The following DCPS variants were observed in gnomAD, a reference collection of about 807,000 sequenced individuals.
DCPS encodes m7GpppX diphosphatase.
In DCPS, 27 loss-of-function variants were observed where a neutral mutation model predicts 34.7. The ratio of observed to expected loss-of-function variants is 0.78; its 90% CI spans 0.57 to 1.07. The LOEUF is 1.07. Ranked by LOEUF, DCPS falls within the 50% of genes least tolerant of loss-of-function variation. The pLI, the probability that DCPS is intolerant of heterozygous loss-of-function variation, is 0.00. For synonymous variants in DCPS, 185 were observed against 185.7 expected, an observed-to-expected ratio of 1.00 and a Z score of 0.03; for missense variants, 464 against 436.9, an observed-to-expected ratio of 1.06 and a Z score of -0.55.
chr11:126,343,564 C>T, intron 5 of DCPS, 147 bp downstream of exon 5: 3 of 707,374 alleles, frequency 4.2e-6, no homozygotes, highest in East Asian at 2.7e-5. Flanking sequence ...CCATTAGGCT[C>T]TTGAGGTTGA....
In DCPS at chr11:126,334,932, C is replaced by T. The variant is rs1951818917; in HGVS notation, c.523-3354C>T. 6.6e-6 allele frequency among the ~76,000 whole-genome samples: 1 copy of T among 152,202 alleles called. No homozygotes were observed. The highest frequency in any genetic ancestry group is 2.4e-5 in the African/African-American group (1 of 41,448). ...AGCAGCGTGACATTGTCCTTAATTT[C>T]GGAGCCCTGGTTTCCTTGTCTGAAA... On this transcript the variant is annotated intron_variant, in intron 3 of 5. Coordinates refer to ENST00000263579, the MANE Select transcript of DCPS (RefSeq NM_014026.6). The surrounding 1 kb of genome is among the most constrained non-coding windows in gnomAD (Gnocchi z 5.5).
intron 1 of DCPS, among the ~76,000 whole-genome samples, chr11:126,305,765 T>C (rs1304355522): frequency 6.6e-6 from 1 of 152,170 alleles, no homozygotes; most frequent in African/African-American, 2.4e-5. Context: ...TGTTTTTGTT[T>C]CTTGTTTTCT....
intron 2 of DCPS, 85 bp downstream of exon 2, chr11:126,306,829 A>G (rs1416407014): frequency 1.2e-5 from 18 of 1,460,360 alleles, no homozygotes. Flanking sequence ...GACTCTCTAT[A>G]CCCGATTTGC....
rs1951735786 is a variant in DCPS at position 126,325,928 on chromosome 11, G to T, written c.377-5477G>T. 6.6e-6 allele frequency among the ~76,000 whole-genome samples: 1 copy of T among 152,052 alleles called. No homozygotes were observed. ...AGATCAGGAAATCGAGGCCATCCTG[G>T]CCAACTTGGTGAAACCCTGTCTCTA... is the stretch of plus-strand genomic sequence containing the variant. On this transcript the variant is annotated intron_variant, in intron 2 of 5. Coordinates refer to ENST00000263579, the MANE Select transcript of DCPS (RefSeq NM_014026.6). This position sits in a 1 kb window ranked among gnomAD's most constrained non-coding sequence, Gnocchi z 4.3.
Position 126,315,913 on chromosome 11 carries a change from C to T in DCPS, c.376+9169C>T, listed in dbSNP as rs1951653377. Among the ~76,000 whole-genome samples the T allele has an allele frequency of 6.6e-6, 1 of 151,994 alleles. No homozygotes were observed. The highest frequency in any genetic ancestry group is 2.1e-4 in the South Asian group (1 of 4,826). ...ATTTTTAGTAGAGACAGGGTTTCAT[C>T]ATGTTGGCCAGGCTATCTCAAACTC... On this transcript the variant is annotated intron_variant, in intron 2 of 5. Transcript: ENST00000263579. This position sits in a 1 kb window ranked among gnomAD's most constrained non-coding sequence, Gnocchi z 6.1.
chr11:126,318,293 G>A (rs910256796), intron 2 of DCPS, among the ~76,000 whole-genome samples: 5 of 152,200 alleles, frequency 3.3e-5, no homozygotes, highest in African/African-American at 1.2e-4. Flanking sequence ...TCCTTGATGT[G>A]GAGGTCTCTT....
At chr11:126,317,920 G>A (rs924832125) in intron 2 of DCPS, among the ~76,000 whole-genome samples, 3 of 152,158 alleles carry the variant, frequency 2.0e-5, no homozygotes, top group Admixed American at 6.5e-5. Flanking sequence ...TCCTGAAGTC[G>A]CGTTTCCCAC....
chr11:126,310,338 G>A (rs958598632), intron 2 of DCPS, among the ~76,000 whole-genome samples: 2 of 152,178 alleles, frequency 1.3e-5, no homozygotes, highest in Admixed American at 6.5e-5. Flanking sequence ...TCAAGAATCC[G>A]ATGCGCTAAT....
intron 2 of DCPS, among the ~76,000 whole-genome samples, chr11:126,324,477 C>G (rs1951726828): frequency 6.6e-6 from 1 of 151,228 alleles, no homozygotes; most frequent in African/African-American, 2.4e-5. Flanking sequence ...TTTTTTTAGA[C>G]AGGGTCTCAC....
Position 126,347,146 on chromosome 11 carries a change from C to G in DCPS, c.*1533C>G, listed in dbSNP as rs911555497. Among the ~76,000 whole-genome samples, 1 of 151,038 alleles carries G rather than the reference C, an allele frequency of 6.6e-6. No individual in the cohort carries two copies. The highest frequency in any genetic ancestry group is 1.5e-5 in the Non-Finnish European group (1 of 67,916). On this transcript the variant is annotated 3_prime_UTR_variant, in exon 6 of 6. Coordinates refer to ENST00000263579, the MANE Select transcript of DCPS (RefSeq NM_014026.6). This position sits in a 1 kb window ranked among gnomAD's most constrained non-coding sequence, Gnocchi z 4.2. ...GGTGTGGTCAGAAAGCCTCAGGGAC[C>G]TGCTTCAGCCTTCAGGGAGTTCAGA...
Position 126,338,261 on chromosome 11 carries a change from AC to A in DCPS, c.523-23del, listed in dbSNP as rs780887303. 2.0e-5 allele frequency: 32 copies of A among 1,608,004 alleles called. No homozygotes were observed. Among genetic ancestry groups the A allele is most frequent in the Non-Finnish European group, 2.5e-5 (29 of 1,174,628 alleles). ...CAAGGGGTGATGAGTGGATTTGTGA[AC>A]CATCTCTCTCCCCCTCCTTTCAGTG... On this transcript the variant is annotated intron_variant, in intron 3 of 5. Transcript: ENST00000263579. The surrounding 1 kb of genome is among the most constrained non-coding windows in gnomAD (Gnocchi z 5.4).
At position 126,320,362 on chromosome 11, in the gene DCPS, T is replaced by C. The variant is rs964037168; in HGVS notation, c.377-11043T>C. 6.6e-6 allele frequency among the ~76,000 whole-genome samples: 1 copy of C among 152,030 alleles called. No individual in the cohort carries two copies. ...GTCACGTGGCAACAAACAGCAAAGA[T>C]TGAAAGTAAAGCATCATAAGGGAGA... On this transcript the variant is annotated intron_variant, in intron 2 of 5. Coordinates refer to ENST00000263579, the MANE Select transcript of DCPS (RefSeq NM_014026.6). This position sits in a 1 kb window ranked among gnomAD's most constrained non-coding sequence, Gnocchi z 4.7.
rs537579366 is a variant in DCPS at position 126,335,023 on chromosome 11, G to A, written c.523-3263G>A. Among the ~76,000 whole-genome samples the A allele has an allele frequency of 2.0e-5, 3 of 152,344 alleles. No homozygotes were observed. The highest frequency in any genetic ancestry group is 4.4e-5 in the Non-Finnish European group (3 of 68,038). ...TTGAGAGAGGTGCCATATATCATGT[G>A]CCTGCTATTGTTTCCAGCACAGAAT... On this transcript the variant is annotated intron_variant, in intron 3 of 5. Transcript: ENST00000263579. This position sits in a 1 kb window ranked among gnomAD's most constrained non-coding sequence, Gnocchi z 4.8.
rs1008548487 is a variant in DCPS at position 126,320,288 on chromosome 11, C to T, written c.377-11117C>T. Among the ~76,000 whole-genome samples, 11 of 152,136 alleles carry T rather than the reference C, an allele frequency of 7.2e-5. No homozygotes were observed. Among genetic ancestry groups the T allele is most frequent in the African/African-American group, 2.7e-4 (11 of 41,412 alleles). The stretch of plus-strand genomic sequence containing the variant: ...GTGTACGAAACAGAGTCCCTGCTCT[C>T]GTGGACTTGATGTTCCACTGGAGAT... On this transcript the variant is annotated intron_variant, in intron 2 of 5. Transcript: ENST00000263579. This position sits in a 1 kb window ranked among gnomAD's most constrained non-coding sequence, Gnocchi z 4.7.
In DCPS at chr11:126,345,442, C is replaced by G. The variant is rs749010991; in HGVS notation, c.843C>G (p.Thr281=). ...ACTACCACCTGCATGTGCACTTCAC[C>G]GCCCTGGGCTTCGAGGCCCCCGGCT... ...PSYYHLHVHF[T]ALGFEAPGSG... The change falls in exon 6 of 6, where the codon ACC becomes ACG. Residue 281 remains threonine (T), a synonymous_variant. Transcript: ENST00000263579. This position sits in a 1 kb window ranked among gnomAD's most constrained non-coding sequence, Gnocchi z 7.4. The G allele has an allele frequency of 2.7e-5, 43 of 1,614,194 alleles. No individual in the cohort carries two copies. The highest frequency in any genetic ancestry group is 3.6e-5 in the Non-Finnish European group (43 of 1,180,024).
At chr11:126,316,817 G>A (rs1565372833) in intron 2 of DCPS, among the ~76,000 whole-genome samples, 1 of 151,360 alleles carries the variant, frequency 6.6e-6, no homozygotes, top group Non-Finnish European at 1.5e-5. Flanking sequence ...ACCGCGCCCA[G>A]CTAATTTTTT....
intron 2 of DCPS, among the ~76,000 whole-genome samples, chr11:126,314,895 G>A (rs1203934951): frequency 6.6e-6 from 1 of 152,102 alleles, no homozygotes; most frequent in African/African-American, 2.4e-5. Context: ...CTGCTCAGGT[G>A]ATGTGTGCAT....
chr11:126,343,323 T>A lies in DCPS; in HGVS notation c.653T>A (p.Leu218Ter). 1 of 1,613,778 alleles carries A rather than the reference T, an allele frequency of 6.2e-7. No individual in the cohort carries two copies. Among genetic ancestry groups the A allele is most frequent in the Non-Finnish European group, 8.5e-7 (1 of 1,179,892 alleles). ...TCTACGCAGCTCGATGACTTGTACT[T>A]GATCGCCATCTGCCATCGCCGGGGC... is the stretch of plus-strand genomic sequence containing the variant. ...WNQQQLDDLY[L>*]IAICHRRGIR... Residue 218 changes from leucine to a stop codon, truncating the protein, a stop_gained, in exon 5 of 6, where the codon TTG (leucine) becomes TAG (stop). Coordinates refer to ENST00000263579, the MANE Select transcript of DCPS (RefSeq NM_014026.6). LOFTEE classifies it high-confidence loss of function.
rs1350577062 is a variant in DCPS, at chr11:126,336,052, G to T, written c.523-2234G>T. 6.7e-6 allele frequency among the ~76,000 whole-genome samples: 1 copy of T among 149,052 alleles called. No individual in the cohort carries two copies. Among genetic ancestry groups the T allele is most frequent in the Non-Finnish European group, 1.5e-5 (1 of 67,700 alleles). On this transcript the variant is annotated intron_variant, in intron 3 of 5. Coordinates refer to ENST00000263579, the MANE Select transcript of DCPS (RefSeq NM_014026.6). This position sits in a 1 kb window ranked among gnomAD's most constrained non-coding sequence, Gnocchi z 6.3. ...AATCGCTTGAACCTGGGAGGCGGAGGTTGCAGTGAGCCGAAATCACGCCAC... is the reference window on the plus strand; with the variant it reads ...AATCGCTTGAACCTGGGAGGCGGAGTTTGCAGTGAGCCGAAATCACGCCAC...
Sources: allele counts gnomAD v4.1 joint callset (sites outside exome capture counted in the v4.1 genomes callset), GRCh38; gene constraint gnomAD v4.1.1; non-coding constraint Gnocchi (gnomAD v3.1); transcripts MANE v1.5; gene names NCBI Gene and HGNC (gene_info 2026-07-23, HGNC 2026-07-21).